The following PATJ variants were observed in gnomAD, a reference collection of about 807,000 sequenced individuals.
The protein encoded by PATJ is inaD-like protein.
PATJ carries 190 observed loss-of-function variants against 224.9 expected under a neutral mutation model. That is an observed-to-expected ratio of 0.84 (90% CI 0.75 to 0.95). PATJ has a LOEUF of 0.95. PATJ is among the 40% of genes least tolerant of loss of function. The pLI is 0.00. For synonymous variants in PATJ, 769 were observed against 820.3 expected (o/e 0.94, Z 1.07); for missense variants, 2,121 against 2,270.3 (o/e 0.93, Z 1.34).
rs570491103 is a variant in PATJ, at chr1:62,031,222, A to G, written c.3960-6755A>G. ...TCAGCATTTGTTTCCATGATCACCA[A>G]TGCAGAAACAGGAAACGTAGCTAAT... On this transcript the variant is annotated intron_variant, in intron 29 of 43. Coordinates refer to ENST00000642238, the MANE Select transcript of PATJ (RefSeq NM_001350145.3). Among the ~76,000 whole-genome samples, 12 of 152,322 alleles carry G rather than the reference A, an allele frequency of 7.9e-5. No individual in the cohort carries two copies. In the South Asian group the frequency reaches 1.9e-3, roughly 24 times the overall value.
Position 61,804,709 on chromosome 1 carries a change from G to A in PATJ, c.1550-739G>A, listed in dbSNP as rs187360418. 4.2e-3 allele frequency among the ~76,000 whole-genome samples: 637 copies of A among 152,212 alleles called. 3 individuals are homozygous for A. The highest frequency in any genetic ancestry group is 9.2e-3 in the African/African-American group (383 of 41,554). ...TTAGACATTATTCATACTATGCACC[G>A]TGCACTGAGCTTCTGGCTACAGTCA... On this transcript the variant is annotated intron_variant, in intron 12 of 43. Transcript: ENST00000642238.
At chr1:62,046,259 A>AGGGG (rs57215131) in intron 30 of PATJ, among the ~76,000 whole-genome samples, 3 of 142,518 alleles carry the variant, frequency 2.1e-5, no homozygotes, top group African/African-American at 8.4e-5. Context: ...GGAGGGAGGG[A>AGGGG]AAGGATCCAC....
intron 41 of PATJ, among the ~76,000 whole-genome samples, chr1:62,142,930 C>T: frequency 6.6e-6 from 1 of 152,098 alleles, no homozygotes; most frequent in Non-Finnish European, 1.5e-5. Context: ...AGGTTTTAAG[C>T]AGGGGAGTGC....
chr1:61,753,909 ATTAAAT>A (rs1313669683), intron 1 of PATJ, among the ~76,000 whole-genome samples: 2 of 151,410 alleles, frequency 1.3e-5, no homozygotes, highest in African/African-American at 2.4e-5. Flanking sequence ...TTAATTTAAA[ATTAAAT>A]TTCTATCTCT....
At position 62,018,381 on chromosome 1, in the gene PATJ, T is replaced by C. The variant is rs1289074130; in HGVS notation, c.3959+434T>C. Among the ~76,000 whole-genome samples the C allele has an allele frequency of 6.6e-6, 1 of 152,132 alleles. No homozygotes were observed. The highest frequency in any genetic ancestry group is 1.9e-4 in the East Asian group (1 of 5,190). On this transcript the variant is annotated intron_variant, in intron 29 of 43. Transcript: ENST00000642238. This position sits in a 1 kb window ranked among gnomAD's most constrained non-coding sequence, Gnocchi z 4.2. ...AAGAGTGCTGGTGAGAAGCTCAGAG[T>C]AGAGAAGATGTTCAGCACTGCTGCC...
Position 61,964,168 on chromosome 1 carries a change from G to A in PATJ, c.3671-26000G>A, listed in dbSNP as rs563823909. On this transcript the variant is annotated intron_variant, in intron 27 of 43. Coordinates refer to ENST00000642238, the MANE Select transcript of PATJ (RefSeq NM_001350145.3). ...ATGATCTCAGCTCATTGTATCGTCT[G>A]CCTCCCAGATTCAAGTCATTCTCCT... Among the ~76,000 whole-genome samples the A allele has an allele frequency of 5.4e-5, 8 of 147,818 alleles. 1 individual carries two copies. In the South Asian group the frequency reaches 9.0e-4, roughly 17 times the overall value.
chr1:62,107,174 C>T (rs1283838541), intron 33 of PATJ, among the ~76,000 whole-genome samples: 3 of 151,906 alleles, frequency 2.0e-5, no homozygotes, highest in South Asian at 2.1e-4. Context: ...GACGTGGTGG[C>T]GGGCACCTGT....
At position 61,990,213 on chromosome 1, in the gene PATJ, T is replaced by G. The variant is rs764926900; in HGVS notation, c.3716T>G (p.Ile1239Ser). 1 of 1,613,404 alleles carries G rather than the reference T, an allele frequency of 6.2e-7. No individual in the cohort carries two copies. The highest frequency in any genetic ancestry group is 8.5e-7 in the Non-Finnish European group (1 of 1,179,710). The change falls in exon 28 of 44, where the codon ATT becomes AGT. Residue 1239 changes from isoleucine (I) to serine (S), a missense_variant. Physicochemically the swap from Ile to Ser is moderately radical, Grantham distance 142. Coordinates refer to ENST00000642238, the MANE Select transcript of PATJ (RefSeq NM_001350145.3). ...RYADLPGELH[I>S]IELEKDKNGL... ...GCAGATCTGCCTGGAGAACTGCACA[T>G]TATTGAACTTGAAAAAGATAAGAAT...
intron 7 of PATJ, among the ~76,000 whole-genome samples, chr1:61,780,267 C>A (rs1021484146): frequency 7.2e-5 from 11 of 152,060 alleles, no homozygotes; most frequent in African/African-American, 2.7e-4. Context: ...AGTTCGAGAC[C>A]AGCCTGGCCA....
intron 20 of PATJ, 45 bp downstream of exon 20, chr1:61,864,678 C>T: frequency 2.0e-6 from 3 of 1,511,074 alleles, no homozygotes; most frequent in Non-Finnish European, 2.7e-6. Flanking sequence ...TTCTGCTCTC[C>T]TCGCCTGTCC....
intron 41 of PATJ, 81 bp downstream of exon 41, chr1:62,129,026 C>G: frequency 1.2e-6 from 1 of 831,676 alleles, no homozygotes; most frequent in South Asian, 1.7e-5. Flanking sequence ...TGGCAGTAGA[C>G]ATCGCCACCC....
At chr1:62,006,032 A>C (rs74076887) in intron 28 of PATJ, among the ~76,000 whole-genome samples, 4 of 152,150 alleles carry the variant, frequency 2.6e-5, no homozygotes, top group Non-Finnish European at 5.9e-5. Context: ...ATTAACTTTT[A>C]CTTCCAATTT....
At position 62,161,902 on chromosome 1, in the gene PATJ, G is replaced by C. The variant is rs181548402; in HGVS notation, c.*848G>C. 58 of 152,292 alleles carry C rather than the reference G, an allele frequency of 3.8e-4. No individual in the cohort carries two copies. Among genetic ancestry groups the C allele is most frequent in the African/African-American group, 1.3e-3 (56 of 41,562 alleles). The allele number at this position is 152,292 out of a possible 1,614,324, so 9.4% of individuals were successfully genotyped here. On this transcript the variant is annotated 3_prime_UTR_variant, in exon 44 of 44. Coordinates refer to ENST00000642238, the MANE Select transcript of PATJ (RefSeq NM_001350145.3). ...CAGTGATCCCCAAGATGAAATACCA[G>C]ATTCTCCTATGGGAAATTACTGTGC...
chr1:62,091,758 A>T (rs921963570), intron 33 of PATJ, among the ~76,000 whole-genome samples: 4 of 151,066 alleles, frequency 2.6e-5, no homozygotes, highest in East Asian at 1.9e-4. Context: ...CTCTTATTTT[A>T]AAAAAAAATA....
At chr1:62,100,345 A>G (rs1661993369) in intron 33 of PATJ, 1 of 718,168 alleles carries the variant, frequency 1.4e-6, no homozygotes, top group Non-Finnish European at 2.6e-6. Flanking sequence ...GTCCAAGAGC[A>G]TGGAGCCAGC....
At chr1:61,792,974 T>C (rs1370776933) in intron 9 of PATJ, among the ~76,000 whole-genome samples, 1 of 152,238 alleles carries the variant, frequency 6.6e-6, no homozygotes, top group African/African-American at 2.4e-5. Context: ...ATTGGACTTT[T>C]GAGCAGTTCT....
chr1:62,157,232 G>A (rs184966735), intron 43 of PATJ, among the ~76,000 whole-genome samples: 63 of 151,924 alleles, frequency 4.1e-4, no homozygotes, highest in Non-Finnish European at 8.1e-4. Flanking sequence ...GCTGAGGTGG[G>A]AGAATCGCTT....
At chr1:61,982,912 C>CA (rs2149510073) in intron 27 of PATJ, among the ~76,000 whole-genome samples, 1 of 151,848 alleles carries the variant, frequency 6.6e-6, no homozygotes, top group African/African-American at 2.4e-5. Context: ...CTTTTACTGG[C>CA]AAAAATCACA....
chr1:62,145,165 G>T (rs1570799336), intron 41 of PATJ, among the ~76,000 whole-genome samples: 2 of 152,318 alleles, frequency 1.3e-5, no homozygotes, highest in East Asian at 3.9e-4. Flanking sequence ...ATCTCAGGGA[G>T]TCAGAGATAT....
Sources: gnomAD v4.1 joint callset for allele counts (sites outside exome capture counted in the v4.1 genomes callset) on GRCh38, gnomAD v4.1.1 for gene constraint, Gnocchi (gnomAD v3.1) non-coding constraint, MANE v1.5 for transcripts, NCBI Gene and HGNC (gene_info 2026-07-23, HGNC 2026-07-21) for gene names.